PDE3B: variants seen among roughly 807,000 people sequenced by gnomAD.
PDE3B encodes the protein cGMP-inhibited 3',5'-cyclic phosphodiesterase 3B.
PDE3B carries 66 observed loss-of-function variants against 116.8 expected under a neutral mutation model. That is an observed-to-expected ratio of 0.56 (90% confidence interval 0.46 to 0.69). The LOEUF (loss-of-function observed/expected upper bound fraction) is 0.69, where lower values mean the gene tolerates loss of function less well. Among genes scored for constraint, PDE3B ranks in the 30% least tolerant of loss-of-function variants. The pLI is 0.00. For synonymous variants in PDE3B, 595 were observed against 533.6 expected (o/e 1.12, Z -1.59); for missense variants, 1,384 against 1,368.1 (o/e 1.01, Z -0.18).
At chr11:14,694,591 A>G (rs1476251845) in intron 1 of PDE3B, among the ~76,000 whole-genome samples, 1 of 152,302 alleles carries the variant, frequency 6.6e-6, no homozygotes, top group Non-Finnish European at 1.5e-5. Context: ...TCTTTAAGAC[A>G]TAATGCTACT....
intron 2 of PDE3B, chr11:14,775,323 A>T (rs1424616595): frequency 6.6e-6 from 1 of 152,074 alleles, no homozygotes; most frequent in African/African-American, 2.4e-5. Flanking sequence ...GTATTTTACC[A>T]CTTTTATACT....
At chr11:14,884,363 G>A in the PDE3B span, among the ~76,000 whole-genome samples, 2 of 151,990 alleles carry the variant, frequency 1.3e-5, no homozygotes, top group Admixed American at 1.3e-4. Context: ...AAAAAATAAT[G>A]AGTTCATGTC....
chr11:14,644,244 G>T lies in PDE3B; in HGVS notation c.169G>T (p.Val57Leu). 1 of 1,578,608 alleles carries T rather than the reference G, an allele frequency of 6.3e-7. No individual in the cohort carries two copies. Residue 57 changes from valine to leucine, a missense_variant, in exon 1 of 16, where the codon GTG becomes TTG. By Grantham distance (32) the Val-to-Leu change is conservative (BLOSUM62 1). Coordinates refer to ENST00000282096, the MANE Select transcript of PDE3B (RefSeq NM_000922.4). ...CTTCCACCTCTGCCGCTTCTGCAAC[G>T]TGGAGCTGCGGCCGCCGCCGGCCTC... is the stretch of plus-strand genomic sequence containing the variant. ...FFFHLCRFCNVELRPPPASPQ... is the reference protein window; with the variant it reads ...FFFHLCRFCNLELRPPPASPQ...
intron 1 of PDE3B, among the ~76,000 whole-genome samples, chr11:14,678,403 A>G (rs2133790756): frequency 6.6e-6 from 1 of 152,304 alleles, no homozygotes; most frequent in South Asian, 2.1e-4. Context: ...GTTTAACTTT[A>G]TAAGAAATTG....
At chr11:14,813,638 G>A (rs1050598721) in intron 5 of PDE3B, among the ~76,000 whole-genome samples, 1 of 152,164 alleles carries the variant, frequency 6.6e-6, no homozygotes, top group Admixed American at 6.5e-5. Context: ...ATATCCCTTT[G>A]CCATGCAATC....
intron 9 of PDE3B, 40 bp from the exon 10 acceptor site, chr11:14,832,682 T>C (rs763704471): frequency 1.8e-5 from 14 of 762,080 alleles, no homozygotes; most frequent in Non-Finnish European, 3.0e-5. Context: ...AAATAGAAAT[T>C]CTGATTTTTA....
rs1339556617 is a variant in PDE3B at position 14,794,329 on chromosome 11, T to C, written c.1415+5087T>C. On this transcript the variant is annotated intron_variant, in intron 4 of 15. Transcript: ENST00000282096. ...ATTTCTTTTTCTTTTCTTTTTTTTT[T>C]TTTTTGAGACAGAGTCTCACTCTGT... Among the ~76,000 whole-genome samples the C allele has an allele frequency of 4.3e-4, 65 of 151,488 alleles. 1 individual carries two copies. The East Asian group carries it at 0.012, about 28-fold the overall frequency.
chr11:14,703,845 G>GT (rs1194387181), intron 1 of PDE3B, among the ~76,000 whole-genome samples: 9 of 151,544 alleles, frequency 5.9e-5, no homozygotes, highest in African/African-American at 1.7e-4. Context: ...CTTAAATGTA[G>GT]TTTTTTCAGT....
intron 1 of PDE3B, among the ~76,000 whole-genome samples, chr11:14,687,894 T>C (rs1854921346): frequency 6.6e-6 from 1 of 152,162 alleles, no homozygotes; most frequent in African/African-American, 2.4e-5. Flanking sequence ...CTCATCAACA[T>C]ACAATTTCTT....
chr11:14,814,465 A>T (rs982332453), intron 5 of PDE3B, among the ~76,000 whole-genome samples: 1 of 152,188 alleles, frequency 6.6e-6, no homozygotes, highest in Admixed American at 6.5e-5. Flanking sequence ...GAAAATGGTT[A>T]AAATGAAATT....
the PDE3B span, chr11:14,879,425 A>G: frequency 6.2e-7 from 1 of 1,602,920 alleles, no homozygotes; most frequent in Non-Finnish European, 8.5e-7. Context: ...AATTAAATCA[A>G]TCTCTTTCTG....
intron 2 of PDE3B, chr11:14,773,705 C>T (rs1294122897): frequency 6.6e-6 from 1 of 152,018 alleles, no homozygotes; most frequent in Non-Finnish European, 1.5e-5. Flanking sequence ...AATTGAGTTA[C>T]TTGTGTTTTT....
At chr11:14,756,217 G>C (rs1407040316) in intron 1 of PDE3B, among the ~76,000 whole-genome samples, 1 of 152,050 alleles carries the variant, frequency 6.6e-6, no homozygotes, top group Non-Finnish European at 1.5e-5. Flanking sequence ...AGAAATATGA[G>C]AAATGGTGTC....
chr11:14,846,888 A>T (rs998111369), intron 12 of PDE3B, among the ~76,000 whole-genome samples: 3 of 152,174 alleles, frequency 2.0e-5, no homozygotes, highest in African/African-American at 7.2e-5. Flanking sequence ...CACAATAATA[A>T]TGGGGGACTT....
At chr11:14,760,306 A>G (rs1277775016) in intron 1 of PDE3B, among the ~76,000 whole-genome samples, 1 of 152,202 alleles carries the variant, frequency 6.6e-6, no homozygotes, top group Admixed American at 6.5e-5. Flanking sequence ...CAAATTTATA[A>G]TGGAACAAGT....
intron 4 of PDE3B, among the ~76,000 whole-genome samples, chr11:14,793,477 G>A (rs1329270999): frequency 6.6e-6 from 1 of 152,134 alleles, no homozygotes; most frequent in Non-Finnish European, 1.5e-5. Context: ...GCAGAGTCAT[G>A]TTTATACTCA....
chr11:14,732,068 A>T (rs1047336171), intron 1 of PDE3B, among the ~76,000 whole-genome samples: 10 of 152,178 alleles, frequency 6.6e-5, no homozygotes, highest in African/African-American at 2.4e-4. Flanking sequence ...GACCTAAAGG[A>T]GGTATGGGAA....
At chr11:14,851,107 G>C (rs1847741074) in intron 12 of PDE3B, among the ~76,000 whole-genome samples, 1 of 151,822 alleles carries the variant, frequency 6.6e-6, no homozygotes, top group Admixed American at 6.6e-5. Flanking sequence ...ACAGGCGTGA[G>C]CCACCACGCC....
At chr11:14,833,671 T>A (rs1590181041) in intron 10 of PDE3B, among the ~76,000 whole-genome samples, 1 of 152,220 alleles carries the variant, frequency 6.6e-6, no homozygotes, top group Non-Finnish European at 1.5e-5. Flanking sequence ...AGATGGACTG[T>A]CTTTATATAT....
Sources: allele counts gnomAD v4.1 joint callset (sites outside exome capture counted in the v4.1 genomes callset), GRCh38; gene constraint gnomAD v4.1.1; transcripts MANE v1.5; gene names NCBI Gene and HGNC (gene_info 2026-07-23, HGNC 2026-07-21).